The following ASMT variants were observed in gnomAD, a reference collection of about 807,000 sequenced individuals.
ASMT encodes the protein acetylserotonin O-methyltransferase, also known as acetylserotonin N-methyltransferase.
A neutral mutation model predicts 41.3 loss-of-function variants in ASMT; 53 were observed. The observed-to-expected ratio is 1.28, with a 90% confidence interval of 1.03 to 1.61. ASMT has a LOEUF of 1.61. Among genes scored for constraint, ASMT ranks in the 40% most tolerant of loss-of-function variants. The probability of loss-of-function intolerance (pLI) is 0.00; values close to 1 mark genes in which losing one functional copy is unlikely to be tolerated. For missense variants in ASMT, 531 were observed against 441.3 expected, an observed-to-expected ratio of 1.20 and a Z score of -1.82; for synonymous variants, 231 against 184.8, an observed-to-expected ratio of 1.25 and a Z score of -2.03.
chrX:1,624,294 C>T lies in ASMT; in HGVS notation c.270C>T (p.Ser90=), dbSNP rs372571267. ...GKAFYRNTEL[S]SDYLTTVSPT... ...CTTTCTATCGAAACACAGAGCTGTCCAGCGACTACCTGACCACGGTCAGCC... is the reference window on the plus strand; with the variant it reads ...CTTTCTATCGAAACACAGAGCTGTCTAGCGACTACCTGACCACGGTCAGCC... Residue 90 remains serine, a synonymous_variant, in exon 3 of 9, where the codon TCC becomes TCT. Transcript: ENST00000381241. 36 of 1,613,948 alleles carry T rather than the reference C, an allele frequency of 2.2e-5. No homozygotes were observed. The African/African-American group carries it at 4.1e-4, about 19-fold the overall frequency.
intron 7 of ASMT, among the ~76,000 whole-genome samples, chrX:1,636,037 G>A (rs1397914752): frequency 6.7e-6 from 1 of 149,622 alleles, no homozygotes; most frequent in East Asian, 2.0e-4. Context: ...CTCACTGCAA[G>A]CTCCGCCTCC....
chrX:1,627,675 A>AAATG, intron 3 of ASMT, 28 bp from the exon 4 acceptor site: 4 of 1,464,576 alleles, frequency 2.7e-6, no homozygotes, highest in Non-Finnish European at 3.8e-6. Flanking sequence ...AAATGAAATG[A>AAATG]AAATCAGCCT....
chrX:1,627,680 C>T lies in ASMT; in HGVS notation c.375-23C>T, dbSNP rs1200425191. 4 of 1,511,948 alleles carry T rather than the reference C, an allele frequency of 2.6e-6. No homozygotes were observed. The African/African-American group carries it at 5.6e-5, about 21-fold the overall frequency. The allele number at this position is 1,511,948 out of a possible 1,614,324, so 93.7% of individuals were successfully genotyped here. A position where few individuals can be genotyped will look rare whatever the true frequency, so the allele number is the denominator to read the frequency against. ...AAATGAAATGAAATGAAATGAAAAT[C>T]AGCCTTCTCTCTCTTTTCTTAGAGA... On this transcript the variant is annotated intron_variant, in intron 3 of 8. Transcript: ENST00000381241.
In ASMT at chrX:1,626,300, T is replaced by C. The variant is rs138740895; in HGVS notation, c.375-1403T>C. ...CCCAGGCTGGAGTGCAGTGGTATGA[T>C]CTCGACTCACTGCAACCTCCGCCTC... On this transcript the variant is annotated intron_variant, in intron 3 of 8. Transcript: ENST00000381241. Among the ~76,000 whole-genome samples the C allele has an allele frequency of 8.0e-3, 1,202 of 150,426 alleles. 15 individuals carry two copies. Among genetic ancestry groups the C allele is most frequent in the African/African-American group, 0.028 (1,159 of 40,968 alleles).
At chrX:1,618,137 C>G (rs1324841614) in intron 1 of ASMT, among the ~76,000 whole-genome samples, 1 of 152,022 alleles carries the variant, frequency 6.6e-6, no homozygotes, top group Non-Finnish European at 1.5e-5. Context: ...TGCCACCAAG[C>G]CTGGCTAACT....
rs1934708820 is a variant in ASMT, at chrX:1,629,938, T to C, written c.561T>C (p.Gly187=). ...TGTTCCCACTTATGTGTGACCTTGG[T>C]GGTAAGTACCCCTCACCACTAATAC... is the stretch of plus-strand genomic sequence containing the variant. ...LSVFPLMCDL[G]GTWIKLETII... is the part of the protein sequence containing the mutation. The change falls in exon 5 of 9, where the codon GGT becomes GGC. Residue 187 remains glycine (G), a splice_region_variant and synonymous_variant. Transcript: ENST00000381241. 2 of 1,612,884 alleles carry C rather than the reference T, an allele frequency of 1.2e-6. No individual in the cohort carries two copies. Among genetic ancestry groups the C allele is most frequent in the East Asian group, 4.5e-5 (2 of 44,878 alleles).
chrX:1,642,703 C>T (rs2067664845), intron 8 of ASMT, 100 bp from the exon 9 acceptor site: 1 of 1,091,490 alleles, frequency 9.2e-7, no homozygotes, highest in African/African-American at 1.5e-5. Flanking sequence ...GGTGCCCTGA[C>T]TGTCCTCTGA....
chrX:1,616,909 C>G (rs1360155736), intron 1 of ASMT, among the ~76,000 whole-genome samples: 5 of 151,686 alleles, frequency 3.3e-5, no homozygotes, highest in East Asian at 2.0e-4. Flanking sequence ...GGGGTTTCAC[C>G]GTGTTAGCCA....
intron 5 of ASMT, among the ~76,000 whole-genome samples, chrX:1,630,328 T>G (rs1229023513): frequency 2.5e-4 from 25 of 101,272 alleles, no homozygotes; most frequent in African/African-American, 9.5e-4. Flanking sequence ...TTTTTTGAGA[T>G]GAAGTGTCGC....
At position 1,615,169 on chromosome X, in the gene ASMT, C is replaced by T. The variant is rs754583098; in HGVS notation, c.-31C>T. ...CTCCTTGAAGCAAGCGCTCCAGAGG[C>T]TCCGGAAGCCACGGCTGGATTGGAG... On this transcript the variant is annotated 5_prime_UTR_variant, in exon 1 of 9. Transcript: ENST00000381241. 8 of 1,569,514 alleles carry T rather than the reference C, an allele frequency of 5.1e-6. No homozygotes were observed. In the African/African-American group the frequency reaches 8.1e-5, roughly 16 times the overall value.
At position 1,627,787 on chromosome X, in the gene ASMT, T is replaced by A. The variant is rs1308067985; in HGVS notation, c.443+16T>A. On this transcript the variant is annotated intron_variant, in intron 4 of 8. Transcript: ENST00000381241. ...CCATCTACAGGTAACACCCATCACT[T>A]TGAAACCAACAACTCAGATAAGATT... 1 of 1,611,864 alleles carries A rather than the reference T, an allele frequency of 6.2e-7. No homozygotes were observed. The highest frequency in any genetic ancestry group is 1.1e-5 in the South Asian group (1 of 91,026).
At chrX:1,622,612 G>A (rs1934375559) in intron 1 of ASMT, among the ~76,000 whole-genome samples, 2 of 151,832 alleles carry the variant, frequency 1.3e-5, no homozygotes, top group Non-Finnish European at 2.9e-5. Context: ...GAGGTTGCAC[G>A]GCTATGGAAA....
intron 1 of ASMT, among the ~76,000 whole-genome samples, chrX:1,620,980 C>A (rs1180446660): frequency 1.3e-5 from 2 of 151,776 alleles, no homozygotes; most frequent in African/African-American, 4.8e-5. Context: ...CCTGTAATCA[C>A]AGCTACTCGG....
rs190405979 is a variant in ASMT at position 1,616,748 on chromosome X, G to T, written c.69+1480G>T. Among the ~76,000 whole-genome samples the T allele has an allele frequency of 7.3e-5, 11 of 149,912 alleles. No homozygotes were observed. In the East Asian group the frequency reaches 2.2e-3, roughly 30 times the overall value. On this transcript the variant is annotated intron_variant, in intron 1 of 8. Transcript: ENST00000381241. ...TTTTGAGACAGAGTCTCGCTCTGTC[G>T]CCCAGGCTGGAGTGCAATGGCACGA... is the stretch of plus-strand genomic sequence containing the variant.
chrX:1,623,114 C>A lies in ASMT; in HGVS notation c.70-25C>A, dbSNP rs202095675. 4 of 1,611,988 alleles carry A rather than the reference C, an allele frequency of 2.5e-6. No individual in the cohort carries two copies. The South Asian group carries it at 3.3e-5, about 13-fold the overall frequency. On this transcript the variant is annotated intron_variant, in intron 1 of 8. Transcript: ENST00000381241. ...GGTTCCCAGGAGGCTGAGCCCTGAC[C>A]TTTTATTTCCGCTCCTGCTCCAAGG... is the stretch of plus-strand genomic sequence containing the variant.
intron 7 of ASMT, 46 bp downstream of exon 7, chrX:1,633,336 TC>T (rs1934847833): frequency 6.2e-7 from 1 of 1,612,174 alleles, no homozygotes; most frequent in Non-Finnish European, 8.5e-7. Flanking sequence ...TCACGGCTTC[TC>T]CAGGGGGACT....
intron 5 of ASMT, among the ~76,000 whole-genome samples, chrX:1,631,113 T>A (rs1219096573): frequency 4.0e-5 from 6 of 150,696 alleles, no homozygotes; most frequent in African/African-American, 9.8e-5. Flanking sequence ...ACGGGGTTTC[T>A]CCGTGTTAGC....
chrX:1,621,039 T>C (rs1934320930), intron 1 of ASMT, among the ~76,000 whole-genome samples: 1 of 151,944 alleles, frequency 6.6e-6, no homozygotes, highest in Non-Finnish European at 1.5e-5. Context: ...TAGGTTGCCG[T>C]GAGCCGAGAT....
At chrX:1,631,544 A>G (rs1193447921) in intron 5 of ASMT, among the ~76,000 whole-genome samples, 5 of 152,012 alleles carry the variant, frequency 3.3e-5, no homozygotes, top group Non-Finnish European at 7.4e-5. Flanking sequence ...CTCCAAGTTT[A>G]TTACTTTTAG....
Sources: allele counts gnomAD v4.1 joint callset (sites outside exome capture counted in the v4.1 genomes callset), GRCh38; gene constraint gnomAD v4.1.1; transcripts MANE v1.5; gene names NCBI Gene and HGNC (gene_info 2026-07-23, HGNC 2026-07-21).